Variants in PTPRD observed in about 807,000 individuals in gnomAD.
PTPRD encodes receptor-type tyrosine-protein phosphatase delta.
Under a neutral mutation model 214.5 loss-of-function variants are expected in PTPRD, and 34 were observed. The observed-to-expected ratio is 0.16, with a 90% confidence interval of 0.12 to 0.21. The LOEUF is 0.21. Ranked by LOEUF, PTPRD falls within the 10% of genes least tolerant of loss-of-function variation. The pLI is 1.00. For synonymous variants in PTPRD, 1,128 were observed against 845.7 expected (o/e 1.33, Z -5.79); for missense variants, 2,545 against 2,398.7 (o/e 1.06, Z -1.27).
At chr9:10,609,220 G>A (rs1028489741) in intron 2 of PTPRD, among the ~76,000 whole-genome samples, 2 of 151,990 alleles carry the variant, frequency 1.3e-5, no homozygotes, top group Non-Finnish European at 2.9e-5. Flanking sequence ...ATAGATAGTA[G>A]CTAGATCAAT....
At chr9:10,188,802 TA>T (rs920295015) in intron 3 of PTPRD, among the ~76,000 whole-genome samples, 2 of 152,172 alleles carry the variant, frequency 1.3e-5, no homozygotes, top group Non-Finnish European at 2.9e-5. Context: ...GTACTGTGAC[TA>T]CAAAAGACAC....
intron 39 of PTPRD, among the ~76,000 whole-genome samples, chr9:8,349,175 G>T (rs1220933303): frequency 6.6e-6 from 1 of 152,176 alleles, no homozygotes; most frequent in African/African-American, 2.4e-5. Flanking sequence ...CAAAGATAAA[G>T]TAATGCTTAT....
intron 37 of PTPRD, 47 bp downstream of exon 37, chr9:8,389,185 T>G (rs747270704): frequency 6.5e-7 from 1 of 1,530,668 alleles, no homozygotes; most frequent in Non-Finnish European, 8.8e-7. Context: ...ACATAGGGAC[T>G]CTGAGGGAAA....
chr9:10,556,136 C>A (rs1025629297), intron 2 of PTPRD, among the ~76,000 whole-genome samples: 5 of 151,812 alleles, frequency 3.3e-5, no homozygotes, highest in Admixed American at 1.3e-4. Flanking sequence ...GTATTTGCAA[C>A]CAAAGATGTT....
intron 6 of PTPRD, among the ~76,000 whole-genome samples, chr9:9,759,498 G>A (rs1199783491): frequency 6.6e-6 from 1 of 150,456 alleles, no homozygotes; most frequent in Non-Finnish European, 1.5e-5. Context: ...TATAAACTCA[G>A]TCTGTAATGT....
At chr9:10,187,441 A>C (rs2099341653) in intron 3 of PTPRD, among the ~76,000 whole-genome samples, 1 of 152,184 alleles carries the variant, frequency 6.6e-6, no homozygotes, top group African/African-American at 2.4e-5. Context: ...ACCTCTCAAC[A>C]AAAATTTACT....
intron 39 of PTPRD, among the ~76,000 whole-genome samples, chr9:8,360,295 T>G (rs1013724999): frequency 1.8e-4 from 28 of 152,292 alleles, no homozygotes; most frequent in African/African-American, 6.5e-4. Flanking sequence ...TTGCTTAACT[T>G]TAGAAACAAA....
Position 8,651,970 on chromosome 9 carries a change from G to A in PTPRD, c.65-15126C>T, listed in dbSNP as rs574518199. Among the ~76,000 whole-genome samples, 10 of 152,308 alleles carry A rather than the reference G, an allele frequency of 6.6e-5. No homozygotes were observed. In the East Asian group the frequency reaches 1.9e-3, roughly 29 times the overall value. ...CCAGGCAGTGCAGACCCTGGTAGCAGCTCATTTCAGTGCCGATTATGCACG... is the reference window on the plus strand; with the variant it reads ...CCAGGCAGTGCAGACCCTGGTAGCAACTCATTTCAGTGCCGATTATGCACG... On this transcript the variant is annotated intron_variant, in intron 12 of 45. Transcript: ENST00000381196.
chr9:10,399,042 C>G (rs1451734432), intron 2 of PTPRD, among the ~76,000 whole-genome samples: 1 of 151,928 alleles, frequency 6.6e-6, no homozygotes, highest in East Asian at 2.0e-4. Context: ...TGTAGGGTCT[C>G]ATTCAGAATA....
intron 14 of PTPRD, among the ~76,000 whole-genome samples, chr9:8,548,771 G>A (rs888484106): frequency 3.9e-5 from 5 of 128,234 alleles, no homozygotes; most frequent in African/African-American, 5.9e-5. Context: ...CTCGGCTCAC[G>A]GCAACCTCCG....
intron 2 of PTPRD, among the ~76,000 whole-genome samples, chr9:10,594,100 C>T (rs984593677): frequency 2.4e-4 from 36 of 151,934 alleles, no homozygotes; most frequent in African/African-American, 8.7e-4. Context: ...TCATTTATTT[C>T]AGTTGCTTTC....
chr9:8,366,072 G>A (rs1588773905), intron 39 of PTPRD, among the ~76,000 whole-genome samples: 2 of 152,026 alleles, frequency 1.3e-5, no homozygotes, highest in Non-Finnish European at 2.9e-5. Context: ...ACAGAAATAC[G>A]GTTATAGTAT....
At chr9:10,388,469 T>G (rs1328585038) in intron 2 of PTPRD, among the ~76,000 whole-genome samples, 6 of 101,074 alleles carry the variant, frequency 5.9e-5, no homozygotes, top group Non-Finnish European at 9.8e-5. Context: ...AATGTCTAAA[T>G]GGATAATTAG....
intron 3 of PTPRD, among the ~76,000 whole-genome samples, chr9:10,160,549 C>T (rs2099121421): frequency 6.6e-6 from 1 of 151,822 alleles, no homozygotes; most frequent in South Asian, 2.1e-4. Context: ...TAAAAATCCT[C>T]AAAAACTGGA....
intron 2 of PTPRD, among the ~76,000 whole-genome samples, chr9:10,514,981 T>C (rs890552400): frequency 2.6e-5 from 4 of 152,052 alleles, no homozygotes; most frequent in Non-Finnish European, 4.4e-5. Context: ...TCAGATTCAA[T>C]TGTTTTCTGA....
intron 3 of PTPRD, among the ~76,000 whole-genome samples, chr9:10,175,128 A>C (rs559983825): frequency 5.1e-4 from 78 of 152,082 alleles, no homozygotes; most frequent in Non-Finnish European, 1.0e-3. Context: ...GAACTACTCA[A>C]TGGAAGAAGC....
At chr9:9,378,212 A>G (rs1303316870) in intron 9 of PTPRD, among the ~76,000 whole-genome samples, 1 of 152,172 alleles carries the variant, frequency 6.6e-6, no homozygotes, top group African/African-American at 2.4e-5. Context: ...AACCCCTGGC[A>G]ACCACTGATC....
At chr9:9,992,557 C>T (rs1261632831) in intron 4 of PTPRD, among the ~76,000 whole-genome samples, 1 of 152,130 alleles carries the variant, frequency 6.6e-6, no homozygotes, top group Non-Finnish European at 1.5e-5. Context: ...ACCCAAATGT[C>T]CATCAATGAT....
intron 2 of PTPRD, among the ~76,000 whole-genome samples, chr9:10,364,576 CAA>C (rs1319446589): frequency 6.6e-6 from 1 of 151,960 alleles, no homozygotes; most frequent in East Asian, 1.9e-4. Context: ...TTGAAATTTT[CAA>C]AGAGTTGAAA....
Sources: gnomAD v4.1 joint callset for allele counts (sites outside exome capture counted in the v4.1 genomes callset) on GRCh38, gnomAD v4.1.1 for gene constraint, MANE v1.5 for transcripts, NCBI Gene and HGNC (gene_info 2026-07-23, HGNC 2026-07-21) for gene names.